The following CTNNA3 variants were observed in gnomAD, a reference collection of about 807,000 sequenced individuals.
CTNNA3 encodes the protein catenin alpha 3.
CTNNA3 carries 76 observed loss-of-function variants against 95.7 expected under a neutral mutation model. The ratio of observed to expected loss-of-function variants is 0.79; its 90% CI spans 0.66 to 0.96. CTNNA3 has a LOEUF of 0.96. CTNNA3 is among the 40% of genes least tolerant of loss of function. The pLI, the probability that CTNNA3 is intolerant of heterozygous loss-of-function variation, is 0.00. For missense variants in CTNNA3, 1,191 were observed against 1,089.8 expected (o/e 1.09, Z -1.31); for synonymous variants, 431 against 374.4 (o/e 1.15, Z -1.74).
At chr10:67,281,147 G>A (rs1453006075) in intron 5 of CTNNA3, among the ~76,000 whole-genome samples, 4 of 151,066 alleles carry the variant, frequency 2.6e-5, no homozygotes, top group Non-Finnish European at 4.4e-5. Context: ...AAAAAAAAAT[G>A]AGAGGACAGT....
At position 66,915,710 on chromosome 10, in the gene CTNNA3, T is replaced by TAA. The variant is rs201251112; in HGVS notation, c.1048-140188_1048-140187dup. Among the ~76,000 whole-genome samples the TAA allele has an allele frequency of 9.6e-3, 1,410 of 147,256 alleles. 20 individuals carry two copies. The highest frequency in any genetic ancestry group is 0.034 in the African/African-American group (1,324 of 39,274). ...TCGGCATTTGACATATATATATATA[T>TAA]AATATATATATATACACACACACAC... On this transcript the variant is annotated intron_variant, in intron 7 of 17. Coordinates refer to ENST00000433211, the MANE Select transcript of CTNNA3 (RefSeq NM_013266.4).
At chr10:66,440,591 T>C (rs1379469364) in intron 11 of CTNNA3, among the ~76,000 whole-genome samples, 1 of 152,174 alleles carries the variant, frequency 6.6e-6, no homozygotes, top group Non-Finnish European at 1.5e-5. Flanking sequence ...TTTGTAACTA[T>C]ACACTACCCA....
chr10:67,191,104 T>C (rs1370570473), intron 6 of CTNNA3, among the ~76,000 whole-genome samples: 3 of 152,060 alleles, frequency 2.0e-5, no homozygotes, highest in African/African-American at 7.2e-5. Context: ...GGCAAGAATG[T>C]GGAGTAATAA....
chr10:66,649,582 C>T (rs1002058606), intron 9 of CTNNA3, among the ~76,000 whole-genome samples: 2 of 152,290 alleles, frequency 1.3e-5, no homozygotes, highest in African/African-American at 2.4e-5. Flanking sequence ...CCCAACTTCA[C>T]GCAGGCACCT....
In CTNNA3 at chr10:66,436,928, A is replaced by C. The variant is rs569715676; in HGVS notation, c.1532-57576T>G. Among the ~76,000 whole-genome samples the C allele has an allele frequency of 7.2e-5, 11 of 152,128 alleles. No homozygotes were observed. In the South Asian group the frequency reaches 2.1e-3, roughly 29 times the overall value. ...CATTTGCTTGTCTGTAAAGGATTTT[A>C]TTTCTCCTTCACTTATGAAGCTTAG... On this transcript the variant is annotated intron_variant, in intron 11 of 17. Coordinates refer to ENST00000433211, the MANE Select transcript of CTNNA3 (RefSeq NM_013266.4).
chr10:66,625,997 C>G (rs529517065), intron 9 of CTNNA3, among the ~76,000 whole-genome samples: 1 of 151,902 alleles, frequency 6.6e-6, no homozygotes, highest in Non-Finnish European at 1.5e-5. Context: ...TTTCAATGAC[C>G]CTTTAAAAAA....
chr10:66,555,218 C>T (rs989960807), intron 10 of CTNNA3, among the ~76,000 whole-genome samples: 17 of 152,058 alleles, frequency 1.1e-4, no homozygotes, highest in Non-Finnish European at 2.4e-4. Context: ...CAAAACAAAA[C>T]AAAGTTGTGG....
intron 7 of CTNNA3, among the ~76,000 whole-genome samples, chr10:67,120,307 G>A (rs1351888648): frequency 7.2e-5 from 11 of 151,814 alleles, no homozygotes; most frequent in Non-Finnish European, 1.3e-4. Flanking sequence ...TTTATACTAC[G>A]AGGGAAAGCA....
intron 13 of CTNNA3, among the ~76,000 whole-genome samples, chr10:66,114,378 ATATGTGTGTATATATG>A (rs2082236747): frequency 6.6e-6 from 1 of 150,396 alleles, no homozygotes; most frequent in African/African-American, 2.5e-5. Flanking sequence ...GTGTGTGTAT[ATATGTGTGTATATATG>A]TATATGTGTA....
intron 10 of CTNNA3, among the ~76,000 whole-genome samples, chr10:66,604,032 T>C (rs1269408383): frequency 1.3e-5 from 2 of 152,114 alleles, no homozygotes; most frequent in Non-Finnish European, 2.9e-5. Flanking sequence ...AAGATTTTTT[T>C]AGGTAAGACC....
chr10:65,994,432 T>G (rs1292468949), intron 15 of CTNNA3, among the ~76,000 whole-genome samples: 1 of 152,098 alleles, frequency 6.6e-6, no homozygotes, highest in Non-Finnish European at 1.5e-5. Flanking sequence ...TTGACATTTT[T>G]TTTTTTTGGT....
chr10:67,136,949 G>A (rs890925945), intron 7 of CTNNA3, among the ~76,000 whole-genome samples: 3 of 152,156 alleles, frequency 2.0e-5, no homozygotes, highest in African/African-American at 7.2e-5. Context: ...AGAGTAGGGG[G>A]CATATAAAAA....
At chr10:66,629,075 T>A (rs114927100) in intron 9 of CTNNA3, among the ~76,000 whole-genome samples, 130 of 152,180 alleles carry the variant, frequency 8.5e-4, no homozygotes, top group African/African-American at 2.7e-3. Context: ...CCCACAATAC[T>A]GTGATGTCAT....
chr10:66,802,589 T>A (rs1841472270), intron 7 of CTNNA3, among the ~76,000 whole-genome samples: 1 of 151,826 alleles, frequency 6.6e-6, no homozygotes, highest in South Asian at 2.1e-4. Context: ...TGTCAATTCT[T>A]ACAGGAATAA....
chr10:67,474,495 T>G (rs900339611), intron 5 of CTNNA3, among the ~76,000 whole-genome samples: 1 of 152,140 alleles, frequency 6.6e-6, no homozygotes. Flanking sequence ...CTTAGACTCC[T>G]AGCCTCCAGA....
At chr10:66,270,200 A>C (rs2091247202) in intron 13 of CTNNA3, among the ~76,000 whole-genome samples, 1 of 144,716 alleles carries the variant, frequency 6.9e-6, no homozygotes, top group Non-Finnish European at 1.5e-5. Context: ...CACTTTATTT[A>C]ATGCAGAACA....
At chr10:66,063,393 A>C (rs866785003) in intron 15 of CTNNA3, among the ~76,000 whole-genome samples, 5 of 150,400 alleles carry the variant, frequency 3.3e-5, no homozygotes, top group Non-Finnish European at 3.0e-5. Context: ...TTGTCACTCC[A>C]TGTTTGTCTT....
At chr10:66,305,981 A>T (rs2091928457) in intron 12 of CTNNA3, among the ~76,000 whole-genome samples, 1 of 152,198 alleles carries the variant, frequency 6.6e-6, no homozygotes, top group African/African-American at 2.4e-5. Flanking sequence ...GGCTTTTCCT[A>T]TCCTGACCCA....
At chr10:67,086,346 C>A (rs1857306693) in intron 7 of CTNNA3, among the ~76,000 whole-genome samples, 1 of 151,908 alleles carries the variant, frequency 6.6e-6, no homozygotes, top group Non-Finnish European at 1.5e-5. Flanking sequence ...TTAGTTGGGA[C>A]AGAATATCAC....
Sources: gnomAD v4.1 joint callset for allele counts (sites outside exome capture counted in the v4.1 genomes callset) on GRCh38, gnomAD v4.1.1 for gene constraint, MANE v1.5 for transcripts, NCBI Gene and HGNC (gene_info 2026-07-23, HGNC 2026-07-21) for gene names.